The following TYW1B variants were observed in gnomAD, a reference collection of about 807,000 sequenced individuals.
TYW1B encodes the protein tRNA-yW synthesizing protein 1 homolog B, also known as S-adenosyl-L-methionine-dependent tRNA 4-demethylwyosine synthase TYW1B.
Under a neutral mutation model 86.9 loss-of-function variants are expected in TYW1B, and 73 were observed. The ratio of observed to expected loss-of-function variants is 0.84; its 90% CI spans 0.70 to 1.02. TYW1B has a LOEUF of 1.02. TYW1B is among the 50% of genes least tolerant of loss of function. The pLI is 0.00. For synonymous variants in TYW1B, 248 were observed against 292.8 expected (o/e 0.85, Z 1.56); for missense variants, 637 against 827.4 (o/e 0.77, Z 2.82).
chr7:72,627,933 G>A lies in TYW1B; in HGVS notation c.1617+954C>T, dbSNP rs1812388144. Reference sequence around the variant, plus strand: ...AGGAAAAACAAAACACATGGAAGACGAAATTAAAATTTTTAGTTGAAAATT... The same window carrying A: ...AGGAAAAACAAAACACATGGAAGACAAAATTAAAATTTTTAGTTGAAAATT... On this transcript the variant is annotated intron_variant, in intron 12 of 13. Transcript: ENST00000620995. Among the ~76,000 whole-genome samples the A allele has an allele frequency of 2.0e-5, 3 of 152,312 alleles. No homozygotes were observed. In the South Asian group the frequency reaches 6.2e-4, roughly 32 times the overall value.
intron 6 of TYW1B, among the ~76,000 whole-genome samples, chr7:72,795,115 C>A (rs188465494): frequency 2.0e-5 from 3 of 152,010 alleles, no homozygotes; most frequent in Non-Finnish European, 2.9e-5. Context: ...TCAGCATGCC[C>A]GGCCTCCTAC....
chr7:72,658,072 A>T (rs1211862932), intron 11 of TYW1B, among the ~76,000 whole-genome samples: 1 of 152,064 alleles, frequency 6.6e-6, no homozygotes, highest in Non-Finnish European at 1.5e-5. Flanking sequence ...TGGCTAACAC[A>T]GTGAAACCCC....
intron 10 of TYW1B, among the ~76,000 whole-genome samples, chr7:72,698,401 T>C (rs1563063133): frequency 1.3e-5 from 2 of 152,036 alleles, no homozygotes; most frequent in South Asian, 2.1e-4. Flanking sequence ...TCCCAACACT[T>C]TGGGAGGCTG....
chr7:72,735,866 T>TA (rs35564711), intron 8 of TYW1B, among the ~76,000 whole-genome samples: 79,473 of 143,918 alleles, frequency 0.55, 23,564 homozygotes, highest in Non-Finnish European at 0.67. Context: ...CGAGACTGTC[T>TA]AAAAAAAAAA....
At chr7:72,711,855 CT>C (rs71069101) in intron 10 of TYW1B, among the ~76,000 whole-genome samples, 6 of 147,372 alleles carry the variant, frequency 4.1e-5, no homozygotes, top group East Asian at 2.0e-4. Context: ...TCAAAAAGAT[CT>C]TTTTTTTTTC....
chr7:72,811,140 G>A (rs1313792589), intron 3 of TYW1B, among the ~76,000 whole-genome samples: 1 of 151,638 alleles, frequency 6.6e-6, no homozygotes, highest in Admixed American at 6.6e-5. Flanking sequence ...GCGTGGTGGT[G>A]GGCGCCTGTA....
chr7:72,714,871 G>A (rs113805254), intron 9 of TYW1B, among the ~76,000 whole-genome samples: 11 of 152,062 alleles, frequency 7.2e-5, no homozygotes, highest in South Asian at 2.1e-4. Context: ...GAGAGGAGAC[G>A]GTGTCACCGC....
chr7:72,819,175 G>A (rs1223250849), intron 2 of TYW1B, among the ~76,000 whole-genome samples: 1 of 152,058 alleles, frequency 6.6e-6, no homozygotes, highest in Non-Finnish European at 1.5e-5. Context: ...CCAAGGAGAT[G>A]GGGTAAGAGA....
intron 11 of TYW1B, among the ~76,000 whole-genome samples, chr7:72,647,364 T>C (rs1160464784): frequency 2.0e-5 from 3 of 152,304 alleles, no homozygotes; most frequent in Non-Finnish European, 2.9e-5. Context: ...ATGTAGCCTA[T>C]GGACATGATG....
At chr7:72,774,843 G>A (rs1787928584) in intron 7 of TYW1B, among the ~76,000 whole-genome samples, 1 of 152,052 alleles carries the variant, frequency 6.6e-6, no homozygotes, top group South Asian at 2.1e-4. Flanking sequence ...AAAACATGAT[G>A]AATGAGGGAA....
chr7:72,770,730 C>T lies in TYW1B; in HGVS notation c.964+6686G>A, dbSNP rs1261574695. 5.3e-5 allele frequency among the ~76,000 whole-genome samples: 8 copies of T among 152,156 alleles called. 1 individual carries two copies. Among genetic ancestry groups the T allele is most frequent in the African/African-American group, 1.9e-4 (8 of 41,542 alleles). ...AGTCTTGTGAAGAATGCACATAGTA[C>T]TTTTTTTCATAATAGCCAAAAATTA... On this transcript the variant is annotated intron_variant, in intron 7 of 13. Transcript: ENST00000620995.
At chr7:72,759,688 G>C (rs1183784624) in intron 7 of TYW1B, among the ~76,000 whole-genome samples, 5 of 152,118 alleles carry the variant, frequency 3.3e-5, no homozygotes, top group African/African-American at 1.2e-4. Context: ...TATTGGTGTT[G>C]AGATGAAACT....
At chr7:72,741,586 G>GA (rs1554462390) in intron 8 of TYW1B, among the ~76,000 whole-genome samples, 1 of 152,112 alleles carries the variant, frequency 6.6e-6, no homozygotes, top group Non-Finnish European at 1.5e-5. Flanking sequence ...AATAATTATT[G>GA]AAAAATTCCC....
intron 7 of TYW1B, among the ~76,000 whole-genome samples, chr7:72,759,072 T>C (rs1169187970): frequency 6.6e-6 from 1 of 152,212 alleles, no homozygotes; most frequent in Non-Finnish European, 1.5e-5. Flanking sequence ...AGCTTATGCC[T>C]GTAATCCCAG....
chr7:72,757,514 C>T (rs1417390939), intron 7 of TYW1B, among the ~76,000 whole-genome samples: 5 of 151,910 alleles, frequency 3.3e-5, no homozygotes, highest in Non-Finnish European at 7.4e-5. Flanking sequence ...GTGGTATTGG[C>T]ACAGGATAGA....
intron 11 of TYW1B, among the ~76,000 whole-genome samples, chr7:72,661,137 A>G (rs1423563371): frequency 1.4e-5 from 2 of 146,290 alleles, no homozygotes; most frequent in African/African-American, 5.0e-5. Flanking sequence ...TCTGTCTCCA[A>G]AAAAAAAAAA....
rs139950813 is a variant in TYW1B, at chr7:72,800,984, G to C, written c.846+1416C>G. Among the ~76,000 whole-genome samples the C allele has an allele frequency of 2.6e-5, 4 of 152,078 alleles. No homozygotes were observed. The South Asian group carries it at 8.3e-4, about 32-fold the overall frequency. On this transcript the variant is annotated intron_variant, in intron 6 of 13. Transcript: ENST00000620995. ...TTCGAGTCCACTTTGATATCATTCA[G>C]GAATGTTTTAAAGTTTTCCAACGTA...
intron 12 of TYW1B, 29 bp from the exon 13 acceptor site, chr7:72,616,868 G>A (rs781943154): frequency 1.4e-5 from 23 of 1,612,754 alleles, no homozygotes; most frequent in Non-Finnish European, 1.9e-5. Context: ...CATCAGAGAT[G>A]ACTACAGACC....
chr7:72,695,243 C>A (rs557370545), intron 10 of TYW1B, among the ~76,000 whole-genome samples: 2 of 152,230 alleles, frequency 1.3e-5, no homozygotes, highest in East Asian at 3.9e-4. Flanking sequence ...CAATCACTGA[C>A]GGAAGTCTTC....
Sources: gnomAD v4.1 joint callset for allele counts (sites outside exome capture counted in the v4.1 genomes callset) on GRCh38, gnomAD v4.1.1 for gene constraint, MANE v1.5 for transcripts, NCBI Gene and HGNC (gene_info 2026-07-23, HGNC 2026-07-21) for gene names.